PLCB1: variants seen among roughly 807,000 people sequenced by gnomAD.
The protein encoded by PLCB1 is phospholipase C beta 1, also known as 1-phosphatidylinositol 4,5-bisphosphate phosphodiesterase beta-1.
In PLCB1, 46 loss-of-function variants were observed where a neutral mutation model predicts 161.8. The observed-to-expected ratio is 0.28, with a 90% confidence interval of 0.22 to 0.36. The LOEUF is 0.36. Ranked by LOEUF, PLCB1 falls within the 10% of genes least tolerant of loss-of-function variation. The pLI is 1.00. For synonymous variants in PLCB1, 517 were observed against 503.7 expected (o/e 1.03, Z -0.35); for missense variants, 1,016 against 1,472.5 (o/e 0.69, Z 5.07).
At chr20:8,236,702 CCAAA>C (rs1190801978) in intron 2 of PLCB1, among the ~76,000 whole-genome samples, 5 of 151,846 alleles carry the variant, frequency 3.3e-5, no homozygotes, top group Admixed American at 3.3e-4. Context: ...CAAGTCCGAA[CCAAA>C]CAAACTGGAA....
At chr20:8,147,872 G>T (rs934845160) in intron 1 of PLCB1, among the ~76,000 whole-genome samples, 1 of 130,458 alleles carries the variant, frequency 7.7e-6, no homozygotes, top group Non-Finnish European at 1.6e-5. Context: ...ATTTTGAAAA[G>T]TTTTTTTTTT....
At chr20:8,777,124 A>G (rs1447330872) in intron 27 of PLCB1, among the ~76,000 whole-genome samples, 1 of 152,166 alleles carries the variant, frequency 6.6e-6, no homozygotes, top group Non-Finnish European at 1.5e-5. Context: ...ATAGGGCATC[A>G]GGTCAGAGAG....
chr20:8,430,279 G>C (rs774740857), intron 3 of PLCB1, among the ~76,000 whole-genome samples: 13 of 152,040 alleles, frequency 8.6e-5, no homozygotes, highest in African/African-American at 2.9e-4. Flanking sequence ...AAGTGATCAC[G>C]AAGACCTAGG....
intron 31 of PLCB1, among the ~76,000 whole-genome samples, chr20:8,877,352 G>T (rs1482574637): frequency 6.6e-6 from 1 of 152,204 alleles, no homozygotes; most frequent in African/African-American, 2.4e-5. Context: ...TTAGGGGAAA[G>T]GTTATAAATT....
chr20:8,761,737 C>T (rs899701966), intron 25 of PLCB1, among the ~76,000 whole-genome samples: 2 of 150,078 alleles, frequency 1.3e-5, no homozygotes, highest in East Asian at 4.0e-4. Context: ...AGGCTGGTCT[C>T]GAACTCCTGA....
intron 2 of PLCB1, among the ~76,000 whole-genome samples, chr20:8,159,267 T>G (rs1252245629): frequency 6.6e-6 from 1 of 152,226 alleles, no homozygotes; most frequent in Non-Finnish European, 1.5e-5. Flanking sequence ...CTGTCAAGGC[T>G]TGGTGCTTGC....
intron 21 of PLCB1, 38 bp downstream of exon 21, chr20:8,739,398 G>T: frequency 7.9e-7 from 1 of 1,264,488 alleles, no homozygotes; most frequent in Non-Finnish European, 1.2e-6. Context: ...TATCAAAGTT[G>T]CAAAGAAAAT....
intron 2 of PLCB1, among the ~76,000 whole-genome samples, chr20:8,240,302 A>G (rs1046855158): frequency 6.6e-6 from 1 of 150,778 alleles, no homozygotes; most frequent in Non-Finnish European, 1.5e-5. Context: ...ACACACACAC[A>G]CACGCACACA....
At chr20:8,489,082 C>T (rs962779735) in intron 3 of PLCB1, among the ~76,000 whole-genome samples, 4 of 152,068 alleles carry the variant, frequency 2.6e-5, no homozygotes, top group Non-Finnish European at 5.9e-5. Flanking sequence ...AATTATTCCT[C>T]GTATACTTAT....
Position 8,441,107 on chromosome 20 carries a change from G to A in PLCB1, c.246+69657G>A, listed in dbSNP as rs534869599. On this transcript the variant is annotated intron_variant, in intron 3 of 31. Transcript: ENST00000338037. ...AAATCCAGTATATACCCACAAATAC[G>A]TGGCCACATTTCTTGACAATGTTCC... Among the ~76,000 whole-genome samples, 10 of 152,136 alleles carry A rather than the reference G, an allele frequency of 6.6e-5. No homozygotes were observed. In the East Asian group the frequency reaches 1.7e-3, roughly 26 times the overall value.
intron 4 of PLCB1, among the ~76,000 whole-genome samples, chr20:8,640,979 G>A (rs1176853923): frequency 6.6e-5 from 10 of 152,074 alleles, no homozygotes; most frequent in Non-Finnish European, 1.5e-4. Flanking sequence ...ACTAGAACTG[G>A]CAGCCTGAAC....
At chr20:8,489,799 T>C (rs1329856135) in intron 3 of PLCB1, among the ~76,000 whole-genome samples, 2 of 152,230 alleles carry the variant, frequency 1.3e-5, no homozygotes, top group African/African-American at 4.8e-5. Context: ...CATTTTAACT[T>C]GATCATATTC....
At chr20:8,809,795 T>C (rs1280275809) in intron 31 of PLCB1, among the ~76,000 whole-genome samples, 2 of 152,170 alleles carry the variant, frequency 1.3e-5, no homozygotes, top group African/African-American at 2.4e-5. Context: ...TGTTGATCTA[T>C]GAACTTTCAG....
intron 4 of PLCB1, among the ~76,000 whole-genome samples, chr20:8,638,585 A>G (rs1349231721): frequency 6.6e-6 from 1 of 152,330 alleles, no homozygotes; most frequent in South Asian, 2.1e-4. Flanking sequence ...AAATTTAAGA[A>G]TAGAAATGCT....
chr20:8,440,132 T>C (rs988307134), intron 3 of PLCB1, among the ~76,000 whole-genome samples: 1 of 152,180 alleles, frequency 6.6e-6, no homozygotes, highest in Non-Finnish European at 1.5e-5. Context: ...GCTGATCACC[T>C]CAAGGTCGCC....
chr20:8,674,494 T>G (rs76311386), intron 9 of PLCB1, among the ~76,000 whole-genome samples: 3,299 of 152,326 alleles, frequency 0.022, 121 homozygotes, highest in African/African-American at 0.074. Context: ...TTTCTGGTCT[T>G]GGTCATTGAC....
intron 26 of PLCB1, among the ~76,000 whole-genome samples, chr20:8,772,963 A>G (rs1054193383): frequency 1.3e-5 from 2 of 152,146 alleles, no homozygotes; most frequent in African/African-American, 4.8e-5. Context: ...AAAAAAGATA[A>G]TTCAATGTTA....
At chr20:8,491,960 G>GGTT (rs112562763) in intron 3 of PLCB1, among the ~76,000 whole-genome samples, 25,047 of 151,308 alleles carry the variant, frequency 0.17, 2,321 homozygotes, top group African/African-American at 0.25. Flanking sequence ...TTTTTGTTTT[G>GGTT]GTTGTTGTTT....
intron 2 of PLCB1, among the ~76,000 whole-genome samples, chr20:8,342,943 T>C (rs555009465): frequency 1.3e-5 from 2 of 152,288 alleles, no homozygotes; most frequent in Admixed American, 1.3e-4. Context: ...AACAGTCCAA[T>C]AAATCCCATC....
Sources: allele counts gnomAD v4.1 joint callset (sites outside exome capture counted in the v4.1 genomes callset), GRCh38; gene constraint gnomAD v4.1.1; transcripts MANE v1.5; gene names NCBI Gene and HGNC (gene_info 2026-07-23, HGNC 2026-07-21).